KSR2: variants seen among roughly 807,000 people sequenced by gnomAD.
KSR2 encodes the protein kinase suppressor of ras 2.
In KSR2, 25 loss-of-function variants were observed where a neutral mutation model predicts 107.8. The observed-to-expected ratio is 0.23, with a 90% CI of 0.17 to 0.32. The LOEUF (loss-of-function observed/expected upper bound fraction) is 0.32. KSR2 is among the 10% of genes least tolerant of loss of function. KSR2 has a pLI of 1.00. For missense variants in KSR2, 887 were observed against 1,268.9 expected (o/e 0.70, Z 4.57); for synonymous variants, 480 against 507.0 (o/e 0.95, Z 0.71).
chr12:117,803,063 T>G (rs1295401434), intron 3 of KSR2, among the ~76,000 whole-genome samples: 1 of 152,222 alleles, frequency 6.6e-6, no homozygotes, highest in Admixed American at 6.5e-5. Flanking sequence ...AAAAAATATT[T>G]CCATTCCTGA....
At chr12:117,543,598 T>G (rs759875647) in intron 9 of KSR2, among the ~76,000 whole-genome samples, 1 of 152,250 alleles carries the variant, frequency 6.6e-6, no homozygotes, top group African/African-American at 2.4e-5. Flanking sequence ...TGGGATCTTG[T>G]TATAAATTGT....
intron 12 of KSR2, among the ~76,000 whole-genome samples, chr12:117,527,950 A>AGT (rs10664320): frequency 0.15 from 21,758 of 142,406 alleles, 1,656 homozygotes; most frequent in East Asian, 0.2. Flanking sequence ...GGAAGACACA[A>AGT]GTGTGTGTGT....
chr12:117,877,211 C>G (rs574950780), intron 1 of KSR2, among the ~76,000 whole-genome samples: 4 of 152,080 alleles, frequency 2.6e-5, no homozygotes, highest in African/African-American at 9.7e-5. Context: ...GTGGTGGGCG[C>G]CTGTAATCCC....
At chr12:117,956,249 CAAAAAAAA>C (rs59662300) in intron 1 of KSR2, among the ~76,000 whole-genome samples, 9 of 47,510 alleles carry the variant, frequency 1.9e-4, no homozygotes, top group African/African-American at 5.6e-4. Flanking sequence ...GACTCTGTCT[CAAAAAAAA>C]AAAAAAAAAA....
At chr12:117,618,629 A>G (rs970252868) in intron 5 of KSR2, among the ~76,000 whole-genome samples, 1 of 151,984 alleles carries the variant, frequency 6.6e-6, no homozygotes, top group Non-Finnish European at 1.5e-5. Flanking sequence ...GGCTTCCCCC[A>G]TACTGTTCTC....
At chr12:117,855,281 A>C (rs578083756) in intron 3 of KSR2, 147 bp downstream of exon 3, 3 of 1,010,140 alleles carry the variant, frequency 3.0e-6, no homozygotes, top group African/African-American at 3.2e-5. Flanking sequence ...TCCCAGGTCC[A>C]CGCTGCCTCT....
At chr12:117,568,198 G>A (rs184637831) in intron 7 of KSR2, among the ~76,000 whole-genome samples, 6 of 151,750 alleles carry the variant, frequency 4.0e-5, no homozygotes, top group East Asian at 2.0e-4. Flanking sequence ...CCTCTCCCTC[G>A]CCTTCCCTGA....
At chr12:117,883,361 G>C (rs1235412492) in intron 1 of KSR2, among the ~76,000 whole-genome samples, 1 of 152,218 alleles carries the variant, frequency 6.6e-6, no homozygotes, top group African/African-American at 2.4e-5. Flanking sequence ...GCCTCTCACA[G>C]TGCCTGGCAC....
At chr12:117,691,682 T>C (rs1885820863) in intron 4 of KSR2, among the ~76,000 whole-genome samples, 4 of 152,244 alleles carry the variant, frequency 2.6e-5, no homozygotes, top group Admixed American at 1.3e-4. Context: ...CAGCACTATC[T>C]ACAGCATCTA....
chr12:117,486,412 A>AGCAG (rs1007954059), intron 14 of KSR2, among the ~76,000 whole-genome samples: 10 of 152,210 alleles, frequency 6.6e-5, no homozygotes, highest in African/African-American at 2.4e-4. Flanking sequence ...GCACGCACAG[A>AGCAG]GCAGGCACCC....
chr12:117,783,991 A>G (rs1889973410), intron 3 of KSR2, among the ~76,000 whole-genome samples: 2 of 152,214 alleles, frequency 1.3e-5, no homozygotes, highest in Admixed American at 6.5e-5. Context: ...ATAGAGGCCA[A>G]TGTTATGTGA....
At chr12:117,647,876 C>G (rs984437620) in intron 5 of KSR2, among the ~76,000 whole-genome samples, 1 of 151,958 alleles carries the variant, frequency 6.6e-6, no homozygotes, top group East Asian at 1.9e-4. Flanking sequence ...GGCTTTTTTA[C>G]CTTTATTTTT....
intron 14 of KSR2, among the ~76,000 whole-genome samples, chr12:117,497,580 T>C (rs1425196184): frequency 1.3e-5 from 2 of 152,176 alleles, no homozygotes; most frequent in African/African-American, 4.8e-5. Context: ...GGGCAGCACC[T>C]CATTACATGC....
At chr12:117,913,194 A>G (rs1281628014) in intron 1 of KSR2, among the ~76,000 whole-genome samples, 1 of 152,114 alleles carries the variant, frequency 6.6e-6, no homozygotes, top group Non-Finnish European at 1.5e-5. Flanking sequence ...GATTTGCACA[A>G]TGAGTTTCTA....
intron 16 of KSR2, among the ~76,000 whole-genome samples, chr12:117,480,113 G>GTT (rs1872074867): frequency 7.3e-6 from 1 of 137,180 alleles, no homozygotes; most frequent in Non-Finnish European, 1.6e-5. Flanking sequence ...CAGTAGGAAT[G>GTT]TCTTCCATGA....
chr12:117,636,469 T>C (rs1255467247), intron 5 of KSR2, among the ~76,000 whole-genome samples: 1 of 149,066 alleles, frequency 6.7e-6, no homozygotes, highest in Non-Finnish European at 1.5e-5. Flanking sequence ...AACAAACCAG[T>C]CACACCCAAG....
chr12:117,957,966 G>A lies in KSR2; in HGVS notation c.180+10110C>T, dbSNP rs962633434. Among the ~76,000 whole-genome samples, 3 of 151,994 alleles carry A rather than the reference G, an allele frequency of 2.0e-5. No individual in the cohort carries two copies. The South Asian group carries it at 6.2e-4, about 32-fold the overall frequency. On this transcript the variant is annotated intron_variant, in intron 1 of 19. Coordinates refer to ENST00000339824, the MANE Select transcript of KSR2 (RefSeq NM_173598.6). ...CCTGCCTCAGCCTCCCAAGTAGCTG[G>A]GATTACAGGCATGTGCCCCCACACC...
chr12:117,710,246 C>T (rs986813615), intron 4 of KSR2, among the ~76,000 whole-genome samples: 1 of 151,918 alleles, frequency 6.6e-6, no homozygotes, highest in Non-Finnish European at 1.5e-5. Context: ...AAAAAATGAC[C>T]AACGGGAAAA....
chr12:117,876,268 C>A (rs552502071), intron 1 of KSR2, among the ~76,000 whole-genome samples: 1 of 152,364 alleles, frequency 6.6e-6, no homozygotes, highest in South Asian at 2.1e-4. Context: ...TCTCAAGTAA[C>A]CGGCCAATTT....
Sources: gnomAD v4.1 joint callset for allele counts (sites outside exome capture counted in the v4.1 genomes callset) on GRCh38, gnomAD v4.1.1 for gene constraint, MANE v1.5 for transcripts, NCBI Gene and HGNC (gene_info 2026-07-23, HGNC 2026-07-21) for gene names.